SLIT3: variants seen among roughly 807,000 people sequenced by gnomAD.
SLIT3 encodes slit homolog 3 protein.
In SLIT3, 68 loss-of-function variants were observed where a neutral mutation model predicts 184.0. That is an observed-to-expected ratio of 0.37 (90% CI 0.30 to 0.45). The LOEUF (loss-of-function observed/expected upper bound fraction) is 0.45, where lower values mean the gene tolerates loss of function less well. SLIT3 is among the 20% of genes least tolerant of loss of function. The pLI, the probability that SLIT3 is intolerant of heterozygous loss-of-function variation, is 1.00. For synonymous variants in SLIT3, 831 were observed against 828.6 expected (o/e 1.00, Z -0.05); for missense variants, 1,707 against 2,026.0 (o/e 0.84, Z 3.02).
chr5:168,908,617 G>A (rs1295831839), intron 4 of SLIT3, among the ~76,000 whole-genome samples: 1 of 152,068 alleles, frequency 6.6e-6, no homozygotes, highest in Non-Finnish European at 1.5e-5. Flanking sequence ...TTAAGACAAG[G>A]GACTTTGGAA....
intron 4 of SLIT3, among the ~76,000 whole-genome samples, chr5:169,148,533 A>C (rs768469443): frequency 6.6e-6 from 1 of 152,200 alleles, no homozygotes; most frequent in African/African-American, 2.4e-5. Flanking sequence ...AATAAGTCTG[A>C]GATTAAACCT....
At chr5:168,669,302 G>A (rs1201576403) in intron 35 of SLIT3, among the ~76,000 whole-genome samples, 9 of 152,230 alleles carry the variant, frequency 5.9e-5, no homozygotes, top group Admixed American at 5.9e-4. Context: ...GGACATGCCA[G>A]CTGCCCTGGC....
chr5:168,715,648 C>T (rs1357416341), intron 23 of SLIT3, among the ~76,000 whole-genome samples: 1 of 152,148 alleles, frequency 6.6e-6, no homozygotes, highest in Non-Finnish European at 1.5e-5. Context: ...GAAAACAGGG[C>T]GAGAGGCAGA....
chr5:169,196,876 C>T (rs1397868155), intron 3 of SLIT3, among the ~76,000 whole-genome samples: 1 of 152,184 alleles, frequency 6.6e-6, no homozygotes, highest in South Asian at 2.1e-4. Context: ...TCTTGGAGGT[C>T]CCTAAGGCAA....
At chr5:169,042,723 C>T (rs1757487288) in intron 4 of SLIT3, among the ~76,000 whole-genome samples, 1 of 152,128 alleles carries the variant, frequency 6.6e-6, no homozygotes, top group Non-Finnish European at 1.5e-5. Context: ...GTTTGTTACA[C>T]CAACATTGCC....
At chr5:168,937,083 T>C (rs545544651) in intron 4 of SLIT3, among the ~76,000 whole-genome samples, 1 of 152,050 alleles carries the variant, frequency 6.6e-6, no homozygotes, top group Non-Finnish European at 1.5e-5. Context: ...ATTGGAAGAA[T>C]TCGCTGGTTG....
chr5:168,824,442 G>C (rs1757636252), intron 6 of SLIT3, among the ~76,000 whole-genome samples: 1 of 152,202 alleles, frequency 6.6e-6, no homozygotes, highest in Admixed American at 6.5e-5. Context: ...CAGGCTATAG[G>C]CAAGTACCCG....
At chr5:169,171,640 G>A (rs557304378) in intron 4 of SLIT3, among the ~76,000 whole-genome samples, 14 of 152,328 alleles carry the variant, frequency 9.2e-5, no homozygotes, top group Admixed American at 7.8e-4. Context: ...AAACAGGATG[G>A]CAGAGCAAAC....
At chr5:169,148,146 A>C (rs1399646939) in intron 4 of SLIT3, among the ~76,000 whole-genome samples, 1 of 152,182 alleles carries the variant, frequency 6.6e-6, no homozygotes, top group Non-Finnish European at 1.5e-5. Context: ...AGAGTAATCC[A>C]GGCCTCAGTC....
intron 4 of SLIT3, among the ~76,000 whole-genome samples, chr5:168,981,260 C>T (rs182955935): frequency 5.5e-4 from 83 of 152,212 alleles, no homozygotes; most frequent in Admixed American, 9.8e-4. Flanking sequence ...GCATTTGGCT[C>T]ACTGTGGGGT....
chr5:169,003,862 G>A (rs79694351), intron 4 of SLIT3, among the ~76,000 whole-genome samples: 7,947 of 152,178 alleles, frequency 0.052, 548 homozygotes, highest in African/African-American at 0.14. Flanking sequence ...TGACATGGTG[G>A]CTCTGGAGGG....
intron 4 of SLIT3, among the ~76,000 whole-genome samples, chr5:169,172,246 G>T (rs368964426): frequency 6.6e-6 from 1 of 152,114 alleles, no homozygotes; most frequent in Non-Finnish European, 1.5e-5. Context: ...ATCACCACTG[G>T]GTTCCCAGGA....
At chr5:168,730,814 A>G (rs1356819483) in intron 20 of SLIT3, among the ~76,000 whole-genome samples, 4 of 152,012 alleles carry the variant, frequency 2.6e-5, no homozygotes, top group Non-Finnish European at 4.4e-5. Context: ...ATACCCCAAG[A>G]AACTAGAAAA....
chr5:169,126,971 C>A (rs28429332), intron 4 of SLIT3, among the ~76,000 whole-genome samples: 30,536 of 151,888 alleles, frequency 0.2, 3,434 homozygotes, highest in Middle Eastern at 0.28. Context: ...GAAAAGTCTG[C>A]ACTGACTTCA....
intron 4 of SLIT3, among the ~76,000 whole-genome samples, chr5:168,901,206 A>G (rs1252323106): frequency 1.3e-5 from 2 of 152,062 alleles, no homozygotes; most frequent in Non-Finnish European, 2.9e-5. Flanking sequence ...TAAAAACACA[A>G]AAACAAAATT....
intron 5 of SLIT3, among the ~76,000 whole-genome samples, chr5:168,874,850 C>T (rs572935514): frequency 6.6e-6 from 1 of 152,240 alleles, no homozygotes; most frequent in East Asian, 1.9e-4. Flanking sequence ...TGCCATTGGC[C>T]CCGGGGCAAA....
chr5:169,128,633 C>T (rs987105072), intron 4 of SLIT3, among the ~76,000 whole-genome samples: 1 of 152,064 alleles, frequency 6.6e-6, no homozygotes, highest in Non-Finnish European at 1.5e-5. Context: ...GTTTCACCAT[C>T]TTGGCCAGGC....
intron 4 of SLIT3, among the ~76,000 whole-genome samples, chr5:169,101,696 C>T (rs1192922165): frequency 6.6e-6 from 1 of 152,190 alleles, no homozygotes; most frequent in African/African-American, 2.4e-5. Flanking sequence ...CTTAATGATC[C>T]TGCCACTCGC....
chr5:168,961,704 G>A (rs1331238523), intron 4 of SLIT3, among the ~76,000 whole-genome samples: 13 of 152,086 alleles, frequency 8.5e-5, no homozygotes. Context: ...TAGTAGAATT[G>A]GTAAAAAGCT....
Sources: allele counts gnomAD v4.1 joint callset (sites outside exome capture counted in the v4.1 genomes callset), GRCh38; gene constraint gnomAD v4.1.1; transcripts MANE v1.5; gene names NCBI Gene and HGNC (gene_info 2026-07-23, HGNC 2026-07-21).